The following KCNN2 variants were observed in gnomAD, a reference collection of about 807,000 sequenced individuals.
The protein encoded by KCNN2 is small conductance calcium-activated potassium channel protein 2.
In KCNN2, 24 loss-of-function variants were observed where a neutral mutation model predicts 55.5. The observed-to-expected ratio is 0.43, with a 90% CI of 0.31 to 0.61. The LOEUF (loss-of-function observed/expected upper bound fraction) is 0.61, where lower values mean the gene tolerates loss of function less well. Among genes scored for constraint, KCNN2 ranks in the 20% least tolerant of loss-of-function variants. The probability of loss-of-function intolerance (pLI) is 0.08; values close to 1 mark genes in which losing one functional copy is unlikely to be tolerated. For synonymous variants in KCNN2, 431 were observed against 336.1 expected (o/e 1.28, Z -3.09); for missense variants, 754 against 853.6 (o/e 0.88, Z 1.45).
intron 3 of KCNN2, among the ~76,000 whole-genome samples, chr5:114,432,958 C>T (rs566704412): frequency 1.5e-3 from 221 of 152,324 alleles, no homozygotes; most frequent in African/African-American, 5.1e-3. Context: ...ATGCCTGAAC[C>T]TCCCACCCCC....
intron 1 of KCNN2, among the ~76,000 whole-genome samples, chr5:114,157,869 A>C (rs1469062313): frequency 6.7e-6 from 1 of 149,892 alleles, no homozygotes; most frequent in Non-Finnish European, 1.5e-5. Context: ...TTTCTTGTAA[A>C]TTTGTTTGAG....
chr5:114,063,467 C>T (rs1180567282), intron 1 of KCNN2, among the ~76,000 whole-genome samples: 1 of 152,144 alleles, frequency 6.6e-6, no homozygotes, highest in African/African-American at 2.4e-5. Context: ...GTCCCACTCC[C>T]AGAGATTCTG....
intron 5 of KCNN2, among the ~76,000 whole-genome samples, chr5:114,477,781 C>G (rs979281936): frequency 2.9e-4 from 44 of 152,014 alleles, no homozygotes; most frequent in African/African-American, 1.0e-3. Context: ...ATTCCAAAAC[C>G]CAGACATAAT....
intron 1 of KCNN2, among the ~76,000 whole-genome samples, chr5:114,102,046 C>A (rs955972608): frequency 4.6e-5 from 7 of 152,172 alleles, no homozygotes; most frequent in African/African-American, 2.4e-5. Flanking sequence ...TACACTCCCA[C>A]CAACAGTGAA....
intron 2 of KCNN2, among the ~76,000 whole-genome samples, chr5:114,266,554 A>G (rs767916611): frequency 6.6e-6 from 1 of 152,232 alleles, no homozygotes; most frequent in South Asian, 2.1e-4. Context: ...CTGGACCAGA[A>G]TAGGCTGGTT....
At chr5:114,195,492 G>A (rs1223080927) in intron 1 of KCNN2, among the ~76,000 whole-genome samples, 1 of 151,906 alleles carries the variant, frequency 6.6e-6, no homozygotes, top group Non-Finnish European at 1.5e-5. Context: ...TCCATTGCTA[G>A]TGTATAGAAA....
At chr5:114,262,146 C>T (rs377219226) in intron 2 of KCNN2, among the ~76,000 whole-genome samples, 8 of 152,140 alleles carry the variant, frequency 5.3e-5, no homozygotes, top group African/African-American at 1.2e-4. Flanking sequence ...TCTATATTTT[C>T]GAATTTGGCT....
chr5:114,331,781 C>A (rs1364641140), intron 2 of KCNN2, among the ~76,000 whole-genome samples: 1 of 152,100 alleles, frequency 6.6e-6, no homozygotes, highest in Non-Finnish European at 1.5e-5. Flanking sequence ...GACCAATTTT[C>A]TTCAAAAATA....
In KCNN2 at chr5:114,430,426, A is replaced by G. The variant is rs374701648; in HGVS notation, c.1637+25570A>G. On this transcript the variant is annotated intron_variant, in intron 3 of 7. Transcript: ENST00000673685. Reference sequence around the variant, plus strand: ...TTAAATTCTATTTCATTGCTGATACATAGAAAAGTAATAGACTTGGATATT... The same window carrying G: ...TTAAATTCTATTTCATTGCTGATACGTAGAAAAGTAATAGACTTGGATATT... Among the ~76,000 whole-genome samples the G allele has an allele frequency of 4.0e-4, 61 of 152,206 alleles. 1 individual carries two copies. In the South Asian group the frequency reaches 7.9e-3, roughly 20 times the overall value.
At chr5:114,458,778 C>G (rs1401368775) in intron 3 of KCNN2, among the ~76,000 whole-genome samples, 1 of 152,104 alleles carries the variant, frequency 6.6e-6, no homozygotes, top group Non-Finnish European at 1.5e-5. Context: ...TCATGCTGAC[C>G]AAAAGCTACA....
rs150987265 is a variant in KCNN2 at position 114,188,315 on chromosome 5, A to G, written c.-270-33165A>G. On this transcript the variant is annotated intron_variant, in intron 1 of 10. Transcript: ENST00000512097. ...CTCTTTCAGATCAAAACAATTCACT[A>G]GACACCTAGAGAGATGGCCACACAT... is the stretch of plus-strand genomic sequence containing the variant. 2.2e-3 allele frequency among the ~76,000 whole-genome samples: 329 copies of G among 152,282 alleles called. 3 individuals are homozygous for G. Among genetic ancestry groups the G allele is most frequent in the African/African-American group, 7.8e-3 (324 of 41,564 alleles).
At chr5:114,483,240 T>TACCCAGTACTAC (rs1268396831) in intron 5 of KCNN2, among the ~76,000 whole-genome samples, 1 of 151,364 alleles carries the variant, frequency 6.6e-6, no homozygotes, top group Non-Finnish European at 1.5e-5. Context: ...GTACTACCAC[T>TACCCAGTACTAC]AACAATAATG....
chr5:114,105,213 C>T (rs1427170145), intron 1 of KCNN2, among the ~76,000 whole-genome samples: 1 of 152,008 alleles, frequency 6.6e-6, no homozygotes, highest in Non-Finnish European at 1.5e-5. Context: ...TATTTGTTGC[C>T]TTGCACACAG....
intron 1 of KCNN2, among the ~76,000 whole-genome samples, chr5:114,168,408 C>T (rs1245738952): frequency 5.9e-5 from 9 of 151,880 alleles, no homozygotes; most frequent in African/African-American, 1.5e-4. Flanking sequence ...TATAAATCTC[C>T]GGTTGGTTAA....
intron 1 of KCNN2, among the ~76,000 whole-genome samples, chr5:114,181,874 C>T (rs964820487): frequency 2.6e-5 from 4 of 152,092 alleles, no homozygotes; most frequent in Middle Eastern, 3.4e-3. Context: ...ATTAGCCCAG[C>T]GTTGTGGCGC....
At chr5:114,113,934 T>G (rs1751658790) in intron 1 of KCNN2, among the ~76,000 whole-genome samples, 1 of 152,106 alleles carries the variant, frequency 6.6e-6, no homozygotes, top group Admixed American at 6.6e-5. Flanking sequence ...AAAGTAATCC[T>G]TATGTCAAAA....
chr5:114,424,399 C>G (rs370289914), intron 3 of KCNN2, among the ~76,000 whole-genome samples: 11 of 152,286 alleles, frequency 7.2e-5, no homozygotes, highest in East Asian at 5.8e-4. Context: ...AAATAAATCA[C>G]TAAGAGATAC....
intron 3 of KCNN2, among the ~76,000 whole-genome samples, chr5:114,412,591 T>C (rs962200684): frequency 2.6e-5 from 4 of 152,232 alleles, no homozygotes; most frequent in Non-Finnish European, 4.4e-5. Flanking sequence ...TTTTTTATTA[T>C]TTACATAAGA....
intron 1 of KCNN2, among the ~76,000 whole-genome samples, chr5:114,194,954 TC>T (rs533524099): frequency 9.9e-5 from 15 of 151,694 alleles, no homozygotes; most frequent in Non-Finnish European, 1.9e-4. Context: ...GACTATTGTT[TC>T]CCCATTCAAT....
Sources: gnomAD v4.1 joint callset for allele counts (sites outside exome capture counted in the v4.1 genomes callset) on GRCh38, gnomAD v4.1.1 for gene constraint, MANE v1.5 for transcripts, NCBI Gene and HGNC (gene_info 2026-07-23, HGNC 2026-07-21) for gene names.